The following ADGRB2 variants were observed in gnomAD, a reference collection of about 807,000 sequenced individuals.
ADGRB2 encodes brain-specific angiogenesis inhibitor 2.
Under a neutral mutation model 178.7 loss-of-function variants are expected in ADGRB2, and 47 were observed. That is an observed-to-expected ratio of 0.26 (90% CI 0.21 to 0.34). The LOEUF is 0.34. ADGRB2 is among the 10% of genes least tolerant of loss of function. The pLI, the probability that ADGRB2 is intolerant of heterozygous loss-of-function variation, is 1.00. For missense variants in ADGRB2, 1,584 were observed against 2,180.8 expected (o/e 0.73, Z 5.45); for synonymous variants, 870 against 912.4 (o/e 0.95, Z 0.84).
chr1:31,756,796 G>T lies in ADGRB2; in HGVS notation c.41C>A (p.Thr14Asn), dbSNP rs780321145. 4.0e-6 allele frequency: 6 copies of T among 1,482,728 alleles called. No homozygotes were observed. The highest frequency in any genetic ancestry group is 5.4e-6 in the Non-Finnish European group (6 of 1,112,992). 91.8% of individuals were successfully genotyped at this position (1,482,728 alleles called of 1,614,324 possible). The change falls in exon 4 of 33, where the codon ACC becomes AAC. Residue 14 changes from threonine to asparagine, a missense_variant. Thr to Asn is a moderately conservative substitution (Grantham distance 65). Around this residue, in one of 3 missense-constraint regions of ADGRB2, gnomAD observed 657 missense variants for 847.6 expected, o/e 0.78. Transcript: ENST00000373658. The surrounding 1 kb of genome is among the most constrained non-coding windows in gnomAD (Gnocchi z 8.5). The part of the protein sequence containing the change: ...TGWMGKGHRM[T>N]PACPLLLSVI... ...AGACAGTAAGAGGGGACAGGCTGGG[G>T]TCATCCTATGTCCCTTGCCCTGTGG...
In ADGRB2 at chr1:31,740,128, C is replaced by T. The variant is rs758489688; in HGVS notation, c.2040G>A (p.Lys680=). 4.2e-5 allele frequency: 67 copies of T among 1,614,018 alleles called. No homozygotes were observed. The highest frequency in any genetic ancestry group is 8.5e-6 in the Non-Finnish European group (10 of 1,180,026). The change falls in exon 13 of 33, where the codon AAG becomes AAA. Residue 680 remains lysine, a synonymous_variant. Transcript: ENST00000373658. This position sits in a 1 kb window ranked among gnomAD's most constrained non-coding sequence, Gnocchi z 5.9. ...SFMVDAENKE[K]WDDAQQVSPG... ...CCCGCACCTGCTGAGCATCGTCCCA[C>T]TTCTCCTTGTTTTCCGCATCCACCA...
intron 4 of ADGRB2, among the ~76,000 whole-genome samples, chr1:31,751,271 T>A (rs1195183896): frequency 1.3e-5 from 2 of 152,134 alleles, no homozygotes; most frequent in African/African-American, 4.8e-5. Flanking sequence ...GAAGATGACT[T>A]GGGGCGGCTC....
rs754606741 is a variant in ADGRB2, at chr1:31,740,554, A to C, written c.1795-13T>G. 4.4e-6 allele frequency: 7 copies of C among 1,578,726 alleles called. No homozygotes were observed. In the African/African-American group the frequency reaches 8.1e-5, roughly 18 times the overall value. On this transcript the variant is annotated splice_polypyrimidine_tract_variant and intron_variant, in intron 11 of 32. Coordinates refer to ENST00000373658, the MANE Select transcript of ADGRB2 (RefSeq NM_001364857.2). The surrounding 1 kb of genome is among the most constrained non-coding windows in gnomAD (Gnocchi z 5.9). ...GGTGCTCCCTAAGCTGTAGGTGATG[A>C]GGGGGCCACAGTCACTGAAGTGTCA...
chr1:31,751,780 CCTT>C (rs1646584794), intron 4 of ADGRB2, among the ~76,000 whole-genome samples: 2 of 152,178 alleles, frequency 1.3e-5, no homozygotes, highest in African/African-American at 4.8e-5. Flanking sequence ...CTCCAAATCA[CCTT>C]CTTTAGAGCA....
In ADGRB2 at chr1:31,764,190, G is replaced by A. The variant is rs911487953; in HGVS notation, c.-497C>T. ...GCCCCGAGCACCGCCCGCGCCGCGC[G>A]CCGCCTCCTATTTGCGGGCGGCGGC... On this transcript the variant is annotated 5_prime_UTR_variant, in exon 1 of 33. Transcript: ENST00000373658. This position sits in a 1 kb window ranked among gnomAD's most constrained non-coding sequence, Gnocchi z 7.3. 1.6e-4 allele frequency: 61 copies of A among 370,714 alleles called. No homozygotes were observed. Among genetic ancestry groups the A allele is most frequent in the Non-Finnish European group, 2.2e-4 (60 of 272,372 alleles). 23.0% of individuals were successfully genotyped at this position (370,714 alleles called of 1,614,324 possible).
At position 31,728,239 on chromosome 1, in the gene ADGRB2, G is replaced by A. The variant is rs143976016; in HGVS notation, c.4458C>T (p.His1486=). The A allele has an allele frequency of 1.4e-5, 23 of 1,614,028 alleles. No homozygotes were observed. The African/African-American group carries it at 1.9e-4, about 13-fold the overall frequency. The change falls in exon 31 of 33, where the codon CAC becomes CAT. Residue 1486 remains histidine (H), a synonymous_variant. Coordinates refer to ENST00000373658, the MANE Select transcript of ADGRB2 (RefSeq NM_001364857.2). The surrounding 1 kb of genome is among the most constrained non-coding windows in gnomAD (Gnocchi z 6.7). ...HTRKRHSELY[H]ELNQKFHTFD... is the part of the protein sequence containing the mutation. ...AAGTGTGGAACTTCTGGTTGAGCTC[G>A]TGGTAGAGTTCTGAATGCCGTTTCC... is the stretch of plus-strand genomic sequence containing the variant.
chr1:31,756,714 A>C lies in ADGRB2; in HGVS notation c.123T>G (p.Ser41=), dbSNP rs1309817468. 2 of 1,598,774 alleles carry C rather than the reference A, an allele frequency of 1.3e-6. No individual in the cohort carries two copies. Among genetic ancestry groups the C allele is most frequent in the Non-Finnish European group, 1.7e-6 (2 of 1,173,154 alleles). The change falls in exon 4 of 33, where the codon TCT becomes TCG. Residue 41 remains serine, a synonymous_variant. Coordinates refer to ENST00000373658, the MANE Select transcript of ADGRB2 (RefSeq NM_001364857.2). This position sits in a 1 kb window ranked among gnomAD's most constrained non-coding sequence, Gnocchi z 8.5. The part of the protein sequence containing the change: ...TAFDPAPSAC[S]ALASGVLYGA... ...CGTAGAGCACACCCGAGGCCAGGGC[A>C]GAGCAGGCACTGGGGGCGGGGTCGA...
intron 4 of ADGRB2, among the ~76,000 whole-genome samples, chr1:31,746,604 C>T (rs950855873): frequency 2.0e-5 from 3 of 152,188 alleles, no homozygotes; most frequent in Non-Finnish European, 2.9e-5. Flanking sequence ...CCTCATTCCC[C>T]GCTGTGGCCA....
At chr1:31,743,026 G>T (rs1646065377) in intron 6 of ADGRB2, 24 bp from the exon 7 acceptor site, 1 of 1,395,532 alleles carries the variant, frequency 7.2e-7, no homozygotes, top group Non-Finnish European at 9.3e-7. Flanking sequence ...CGTGGCCGGT[G>T]GCTGGGCGGC....
rs755860023 is a variant in ADGRB2, at chr1:31,740,565, G to A, written c.1795-24C>T. On this transcript the variant is annotated intron_variant, in intron 11 of 32. Coordinates refer to ENST00000373658, the MANE Select transcript of ADGRB2 (RefSeq NM_001364857.2). This position sits in a 1 kb window ranked among gnomAD's most constrained non-coding sequence, Gnocchi z 5.9. ...AGCTGTAGGTGATGAGGGGGCCACAGTCACTGAAGTGTCAGGAGCTGGAAC... is the reference window on the plus strand; with the variant it reads ...AGCTGTAGGTGATGAGGGGGCCACAATCACTGAAGTGTCAGGAGCTGGAAC... 1.9e-6 allele frequency: 3 copies of A among 1,563,542 alleles called. No homozygotes were observed. Among genetic ancestry groups the A allele is most frequent in the South Asian group, 2.4e-5 (2 of 84,254 alleles).
At chr1:31,757,070 C>G (rs79998046) in intron 3 of ADGRB2, 131 bp downstream of exon 3, 2 of 1,480,514 alleles carry the variant, frequency 1.4e-6, no homozygotes, top group Non-Finnish European at 9.4e-7. Context: ...GGAAAGGACT[C>G]GCGAGAGTGC....
chr1:31,756,047 A>C lies in ADGRB2; in HGVS notation c.790T>G (p.Leu264Val), dbSNP rs760283691. Residue 264 changes from leucine (L) to valine (V), a missense_variant, in exon 4 of 33, where the codon TTG becomes GTG. By Grantham distance (32) the Leu-to-Val change is conservative. Coordinates refer to ENST00000373658, the MANE Select transcript of ADGRB2 (RefSeq NM_001364857.2). This position sits in a 1 kb window ranked among gnomAD's most constrained non-coding sequence, Gnocchi z 8.5. Reference sequence around the variant, plus strand: ...AGATCATTGCTGCTCCCCGAGTGCAAATCGGCCTCAGCAGGTGGGGCTGGG... The same window carrying C: ...AGATCATTGCTGCTCCCCGAGTGCACATCGGCCTCAGCAGGTGGGGCTGGG... Reference protein sequence around the residue: ...GGPAPPAEADLHSGSSNDLFT... With the variant: ...GGPAPPAEADVHSGSSNDLFT... 1 of 1,613,948 alleles carries C rather than the reference A, an allele frequency of 6.2e-7. No homozygotes were observed.
intron 4 of ADGRB2, among the ~76,000 whole-genome samples, chr1:31,749,176 C>G (rs1452035514): frequency 1.3e-5 from 2 of 152,224 alleles, no homozygotes; most frequent in Admixed American, 6.5e-5. Flanking sequence ...GCTCCCCTTT[C>G]CCCTGACATG....
At chr1:31,747,405 C>T (rs1192774681) in intron 4 of ADGRB2, among the ~76,000 whole-genome samples, 3 of 152,138 alleles carry the variant, frequency 2.0e-5, no homozygotes, top group Non-Finnish European at 2.9e-5. Flanking sequence ...GTTCTCCTGA[C>T]CATCAAATTC....
rs1646966377 is a variant in ADGRB2, at chr1:31,759,196, A to G, written c.-190-1685T>C. 2 of 738,340 alleles carry G rather than the reference A, an allele frequency of 2.7e-6. No individual in the cohort carries two copies. The highest frequency in any genetic ancestry group is 5.1e-6 in the Non-Finnish European group (2 of 393,288). 45.7% of individuals were successfully genotyped at this position (738,340 alleles called of 1,614,324 possible). On this transcript the variant is annotated intron_variant, in intron 1 of 32. Coordinates refer to ENST00000373658, the MANE Select transcript of ADGRB2 (RefSeq NM_001364857.2). The surrounding 1 kb of genome is among the most constrained non-coding windows in gnomAD (Gnocchi z 4.3). ...TACATATGTACACGGACATGCACACAGGTGAAACCCACAGATTCATGCTGT... is the reference window on the plus strand; with the variant it reads ...TACATATGTACACGGACATGCACACGGGTGAAACCCACAGATTCATGCTGT...
chr1:31,736,016 G>T (rs138300227), intron 22 of ADGRB2, 123 bp from the exon 23 acceptor site: 6 of 1,090,602 alleles, frequency 5.5e-6, no homozygotes, highest in Middle Eastern at 3.0e-4. Flanking sequence ...AGCCCCAGAC[G>T]GTGAGAGTGA....
rs72887367 is a variant in ADGRB2 at position 31,728,565 on chromosome 1, T to C, written c.4416+33A>G. 2.8e-3 allele frequency: 4,477 copies of C among 1,613,850 alleles called. 100 individuals are homozygous for C. The African/African-American group carries it at 0.049, about 18-fold the overall frequency. Reference sequence around the variant, plus strand: ...TCCAGGGACAGACACCACAGCCAGATGTCCCACCGCCCAGCACACACATGG... The same window carrying C: ...TCCAGGGACAGACACCACAGCCAGACGTCCCACCGCCCAGCACACACATGG... On this transcript the variant is annotated intron_variant, in intron 30 of 32. Transcript: ENST00000373658. This position sits in a 1 kb window ranked among gnomAD's most constrained non-coding sequence, Gnocchi z 6.7.
At position 31,740,273 on chromosome 1, in the gene ADGRB2, C is replaced by A; in HGVS notation, c.1989+74G>T. The A allele has an allele frequency of 6.2e-7, 1 of 1,606,570 alleles. No homozygotes were observed. Among genetic ancestry groups the A allele is most frequent in the Non-Finnish European group, 8.5e-7 (1 of 1,175,192 alleles). On this transcript the variant is annotated intron_variant, in intron 12 of 32. Transcript: ENST00000373658. The surrounding 1 kb of genome is among the most constrained non-coding windows in gnomAD (Gnocchi z 5.9). ...ACACTTGCCGCCTCTACAGCAGACT[C>A]TGCCTAGGGGCCTGGCCTCCCGCTT...
intron 14 of ADGRB2, 43 bp downstream of exon 14, chr1:31,739,883 T>C: frequency 6.4e-7 from 1 of 1,559,226 alleles, no homozygotes; most frequent in Non-Finnish European, 8.8e-7. Flanking sequence ...CGTCTTGAGT[T>C]CTGGCACATT....
Sources: gnomAD v4.1 joint callset for allele counts (sites outside exome capture counted in the v4.1 genomes callset) on GRCh38, gnomAD v4.1.1 for gene constraint, gnomAD v4.1.1 regional missense constraint, Gnocchi (gnomAD v3.1) non-coding constraint, MANE v1.5 for transcripts, NCBI Gene and HGNC (gene_info 2026-07-23, HGNC 2026-07-21) for gene names.